MTCL2: variants seen among roughly 807,000 people sequenced by gnomAD.
MTCL2 encodes the protein microtubule crosslinking factor 2, also known as microtubule cross-linking factor 2.
chr20:36,861,487 G>A, the MTCL2 span, among the ~76,000 whole-genome samples: 2 of 152,180 alleles, frequency 1.3e-5, no homozygotes, highest in African/African-American at 4.8e-5. Context: ...ACATAGTTGA[G>A]CAAGACACCA....
At chr20:36,797,599 C>T in the MTCL2 span, 1,392 of 1,551,606 alleles carry the variant, frequency 9.0e-4, 7 homozygotes, top group African/African-American at 0.017. Context: ...GAGGGTGGGT[C>T]GGTAATGGGC....
chr20:36,818,685 A>G, the MTCL2 span, among the ~76,000 whole-genome samples: 3 of 152,368 alleles, frequency 2.0e-5, no homozygotes, highest in South Asian at 4.1e-4. Flanking sequence ...AAATAGATAC[A>G]TTTGATTATA....
chr20:36,783,812 T>TC, the MTCL2 span: 1 of 983,144 alleles, frequency 1.0e-6, no homozygotes, highest in Non-Finnish European at 1.2e-6. Flanking sequence ...TACAAACCAA[T>TC]CCCCCCACCC....
the MTCL2 span, among the ~76,000 whole-genome samples, chr20:36,795,998 G>A: frequency 6.6e-6 from 1 of 152,072 alleles, no homozygotes; most frequent in African/African-American, 2.4e-5. Flanking sequence ...GTTGCCCGTG[G>A]AATAACCTGG....
chr20:36,829,002 G>C, the MTCL2 span: 2 of 1,474,178 alleles, frequency 1.4e-6, no homozygotes, highest in Non-Finnish European at 1.8e-6. Flanking sequence ...GGGGGGGCTT[G>C]CATGTGCCCA....
the MTCL2 span, chr20:36,863,203 C>T: frequency 3.3e-6 from 4 of 1,222,910 alleles, no homozygotes; most frequent in Non-Finnish European, 4.1e-6. This position sits in a 1 kb window ranked among gnomAD's most constrained non-coding sequence, Gnocchi z 6.2. Flanking sequence ...CGGCCCTTAG[C>T]CAGCGACCAG....
At chr20:36,822,334 C>A in the MTCL2 span, among the ~76,000 whole-genome samples, 1 of 152,264 alleles carries the variant, frequency 6.6e-6, no homozygotes, top group Admixed American at 6.5e-5. Context: ...GTGCCTAGGC[C>A]CCAGCAGGAA....
the MTCL2 span, among the ~76,000 whole-genome samples, chr20:36,858,945 C>A: frequency 4.2e-3 from 632 of 152,262 alleles, 5 homozygotes; most frequent in African/African-American, 0.015. Flanking sequence ...CGCCCACGAC[C>A]ACGCCTGGGT....
chr20:36,859,801 T>C, the MTCL2 span: 42 of 1,231,696 alleles, frequency 3.4e-5, no homozygotes, highest in Non-Finnish European at 4.3e-5. Context: ...TACTGGGGAT[T>C]TGGAGTCCTT....
chr20:36,804,879 C>A, the MTCL2 span: 2 of 1,613,802 alleles, frequency 1.2e-6, no homozygotes, highest in Non-Finnish European at 1.7e-6. Flanking sequence ...TCATGTCGGC[C>A]AGTGTCTTGA....
chr20:36,852,935 T>C, the MTCL2 span, among the ~76,000 whole-genome samples: 2 of 151,736 alleles, frequency 1.3e-5, no homozygotes, highest in South Asian at 4.1e-4. Context: ...CACATGCCTG[T>C]AGTCCCAGCT....
the MTCL2 span, chr20:36,806,072 C>T: frequency 5.6e-6 from 4 of 718,538 alleles, no homozygotes; most frequent in Non-Finnish European, 9.1e-6. Context: ...CCCTCCTAGC[C>T]TCCCACGACA....
At chr20:36,805,476 T>C in the MTCL2 span, among the ~76,000 whole-genome samples, 9 of 152,278 alleles carry the variant, frequency 5.9e-5, no homozygotes, top group African/African-American at 2.2e-4. Flanking sequence ...CTGATATCCT[T>C]ACCCTTACCA....
At chr20:36,834,486 T>A in the MTCL2 span, among the ~76,000 whole-genome samples, 3 of 152,100 alleles carry the variant, frequency 2.0e-5, no homozygotes, top group Non-Finnish European at 4.4e-5. Flanking sequence ...TTGTATCCGG[T>A]CTCAGCTCCT....
At chr20:36,804,631 C>T in the MTCL2 span, 1 of 1,466,858 alleles carries the variant, frequency 6.8e-7, no homozygotes, top group Non-Finnish European at 9.3e-7. Context: ...CAACGGCATT[C>T]TTATTCCTCT....
the MTCL2 span, chr20:36,785,702 A>G: frequency 8.1e-6 from 8 of 985,376 alleles, no homozygotes; most frequent in Non-Finnish European, 9.6e-6. Flanking sequence ...GACTCTACCT[A>G]TTTCTGTCCT....
chr20:36,808,877 A>T, the MTCL2 span: 1 of 711,406 alleles, frequency 1.4e-6, no homozygotes, highest in Non-Finnish European at 2.3e-6. Flanking sequence ...ATCCCACCAC[A>T]CGTGGCGCAA....
chr20:36,791,705 G>C, the MTCL2 span, among the ~76,000 whole-genome samples: 2 of 152,204 alleles, frequency 1.3e-5, no homozygotes, highest in Non-Finnish European at 2.9e-5. Flanking sequence ...TGAACTGGAA[G>C]ATGTTGTAAA....
At chr20:36,824,104 G>A in the MTCL2 span, among the ~76,000 whole-genome samples, 1 of 152,100 alleles carries the variant, frequency 6.6e-6, no homozygotes, top group Non-Finnish European at 1.5e-5. Context: ...GAGTCAGTGC[G>A]GGTTTGAGAG....
Sources: gnomAD v4.1 joint callset for allele counts (sites outside exome capture counted in the v4.1 genomes callset) on GRCh38, gnomAD v4.1.1 for gene constraint, Gnocchi (gnomAD v3.1) non-coding constraint, MANE v1.5 for transcripts, NCBI Gene and HGNC (gene_info 2026-07-23, HGNC 2026-07-21) for gene names.